Variants in SPATA6 observed in about 807,000 individuals in gnomAD.
SPATA6 encodes spermatogenesis-associated protein 6.
Under a neutral mutation model 65.3 loss-of-function variants are expected in SPATA6, and 56 were observed. That is an observed-to-expected ratio of 0.86 (90% CI 0.69 to 1.07). The LOEUF is 1.07. SPATA6 is among the 50% of genes least tolerant of loss of function. The pLI is 0.00. For synonymous variants in SPATA6, 199 were observed against 213.2 expected (o/e 0.93, Z 0.58); for missense variants, 590 against 594.8 (o/e 0.99, Z 0.08).
the SPATA6 span, among the ~76,000 whole-genome samples, chr1:48,284,674 C>G: frequency 6.6e-6 from 1 of 152,192 alleles, no homozygotes; most frequent in East Asian, 1.9e-4. Flanking sequence ...AGTTTTCTTT[C>G]TAACAGTCAG....
the SPATA6 span, among the ~76,000 whole-genome samples, chr1:48,282,149 G>C: frequency 1.3e-5 from 2 of 152,168 alleles, no homozygotes; most frequent in African/African-American, 4.8e-5. Context: ...AGCTGAAACT[G>C]GATCTCTTCC....
Position 48,472,086 on chromosome 1 carries a change from A to C in SPATA6, c.-78T>G. 3 of 1,088,242 alleles carry C rather than the reference A, an allele frequency of 2.8e-6. No individual in the cohort carries two copies. The highest frequency in any genetic ancestry group is 2.5e-6 in the Non-Finnish European group (2 of 801,008). 67.4% of individuals were successfully genotyped at this position (1,088,242 alleles called of 1,614,324 possible). A position where few individuals can be genotyped will look rare whatever the true frequency, so the allele number is the denominator to read the frequency against. On this transcript the variant is annotated 5_prime_UTR_variant, in exon 1 of 13. Transcript: ENST00000371847. The stretch of plus-strand genomic sequence containing the variant: ...CGGGGAGACCTGGGGCTGGGCGGGG[A>C]CGGGGAGGAGACGAGGTGGCGGCGG...
the SPATA6 span, among the ~76,000 whole-genome samples, chr1:48,273,733 A>G: frequency 6.6e-6 from 1 of 152,080 alleles, no homozygotes; most frequent in Non-Finnish European, 1.5e-5. Context: ...TTCTTTATAC[A>G]TTCTATCATT....
chr1:48,275,601 G>T, the SPATA6 span, among the ~76,000 whole-genome samples: 1 of 152,114 alleles, frequency 6.6e-6, no homozygotes, highest in African/African-American at 2.4e-5. Flanking sequence ...AGATAATCAC[G>T]TGGTTTTTGT....
At chr1:48,446,181 C>T (rs1422642526) in intron 3 of SPATA6, among the ~76,000 whole-genome samples, 1 of 152,114 alleles carries the variant, frequency 6.6e-6, no homozygotes, top group African/African-American at 2.4e-5. Flanking sequence ...CTACATAAGC[C>T]CTCTTCCCCA....
At chr1:48,313,776 C>G (rs1645305696) in intron 11 of SPATA6, among the ~76,000 whole-genome samples, 2 of 152,102 alleles carry the variant, frequency 1.3e-5, no homozygotes, top group Admixed American at 1.3e-4. Context: ...CAAGACCCAT[C>G]AGTGTGCTGT....
At chr1:48,380,618 C>G (rs1234136473) in intron 9 of SPATA6, among the ~76,000 whole-genome samples, 1 of 152,168 alleles carries the variant, frequency 6.6e-6, no homozygotes, top group African/African-American at 2.4e-5. Flanking sequence ...AGTCCACTCA[C>G]ATAATATGCA....
intron 3 of SPATA6, among the ~76,000 whole-genome samples, chr1:48,443,072 C>A (rs1557716333): frequency 2.0e-5 from 3 of 152,178 alleles, no homozygotes; most frequent in African/African-American, 7.2e-5. Flanking sequence ...GATAAGGAAG[C>A]AGACTTAGGA....
rs534746725 is a variant in SPATA6 at position 48,410,326 on chromosome 1, G to A, written c.405+1138C>T. ...CTCATCTTCATCTGAAACAACCTCC[G>A]TCTGGACTTCATTGTCTATATCACT... On this transcript the variant is annotated intron_variant, in intron 5 of 12. Coordinates refer to ENST00000371847, the MANE Select transcript of SPATA6 (RefSeq NM_019073.4). Among the ~76,000 whole-genome samples, 19 of 152,180 alleles carry A rather than the reference G, an allele frequency of 1.2e-4. No homozygotes were observed. In the East Asian group the frequency reaches 2.9e-3, roughly 23 times the overall value.
rs1656709794 is a variant in SPATA6, at chr1:48,452,980, ATATTTGAACT to A, written c.189+4_189+13del. 6.2e-7 allele frequency: 1 copy of A among 1,608,262 alleles called. No individual in the cohort carries two copies. Among genetic ancestry groups the A allele is most frequent in the Non-Finnish European group, 8.5e-7 (1 of 1,178,552 alleles). On this transcript the variant is annotated splice_donor_5th_base_variant and intron_variant, in intron 2 of 12. Transcript: ENST00000371847. ...GTTTTGTTTGTTAATACTTGATCTG[ATATTTGAACT>A]CACCTTTTCAAACACCATTCTGGCA... is the stretch of plus-strand genomic sequence containing the variant.
At chr1:48,461,340 T>C (rs1469929651) in intron 1 of SPATA6, among the ~76,000 whole-genome samples, 1 of 152,202 alleles carries the variant, frequency 6.6e-6, no homozygotes, top group African/African-American at 2.4e-5. Flanking sequence ...CTCTTTAGTT[T>C]AATTAGATCC....
intron 11 of SPATA6, among the ~76,000 whole-genome samples, chr1:48,344,940 C>T (rs1242035390): frequency 6.6e-6 from 1 of 151,964 alleles, no homozygotes; most frequent in Admixed American, 6.6e-5. Flanking sequence ...ACTTTGACAC[C>T]CCACTGACAA....
chr1:48,317,170 A>G (rs1367773387), intron 11 of SPATA6, among the ~76,000 whole-genome samples: 3 of 152,226 alleles, frequency 2.0e-5, no homozygotes, highest in African/African-American at 7.2e-5. Context: ...CAGCCATCCC[A>G]TTACTGGGTA....
At chr1:48,458,344 A>G (rs1412630597) in intron 1 of SPATA6, among the ~76,000 whole-genome samples, 1 of 152,196 alleles carries the variant, frequency 6.6e-6, no homozygotes, top group Non-Finnish European at 1.5e-5. Context: ...TTTTGGCCAT[A>G]AAAAGAAATA....
the SPATA6 span, among the ~76,000 whole-genome samples, chr1:48,277,432 A>C: frequency 6.6e-5 from 10 of 152,212 alleles, no homozygotes; most frequent in Admixed American, 1.3e-4. Context: ...TAGTCAAAGA[A>C]AGGGGTGACA....
intron 3 of SPATA6, among the ~76,000 whole-genome samples, chr1:48,423,378 C>G (rs1273070120): frequency 1.3e-5 from 2 of 151,234 alleles, no homozygotes; most frequent in African/African-American, 4.9e-5. Flanking sequence ...ACTGCTGGAA[C>G]CCAGGAGGTG....
At chr1:48,453,187 C>A in intron 1 of SPATA6, 56 bp from the exon 2 acceptor site, 1 of 1,526,226 alleles carries the variant, frequency 6.6e-7, no homozygotes, top group South Asian at 1.3e-5. Context: ...CTGAACTATC[C>A]TACTAAAATA....
At chr1:48,287,048 A>G in the SPATA6 span, among the ~76,000 whole-genome samples, 158 of 151,856 alleles carry the variant, frequency 1.0e-3, no homozygotes, top group African/African-American at 3.7e-3. Flanking sequence ...AAAAAAAAAA[A>G]AAAAAAGGGA....
At chr1:48,397,779 G>A (rs1425848832) in intron 7 of SPATA6, among the ~76,000 whole-genome samples, 1 of 151,564 alleles carries the variant, frequency 6.6e-6, no homozygotes, top group African/African-American at 2.4e-5. Flanking sequence ...ATAGACTTAG[G>A]AGTAGGCATT....
Sources: allele counts gnomAD v4.1 joint callset (sites outside exome capture counted in the v4.1 genomes callset), GRCh38; gene constraint gnomAD v4.1.1; transcripts MANE v1.5; gene names NCBI Gene and HGNC (gene_info 2026-07-23, HGNC 2026-07-21).